Variants in SULF1 observed in about 807,000 individuals in gnomAD.
SULF1 encodes extracellular sulfatase Sulf-1.
A neutral mutation model predicts 110.5 loss-of-function variants in SULF1; 46 were observed. That is an observed-to-expected ratio of 0.42 (90% CI 0.33 to 0.53). The LOEUF (loss-of-function observed/expected upper bound fraction) is 0.53. SULF1 is among the 20% of genes least tolerant of loss of function. The pLI is 0.12. For missense variants in SULF1, 941 were observed against 1,094.2 expected (o/e 0.86, Z 1.98); for synonymous variants, 371 against 387.1 (o/e 0.96, Z 0.49).
At chr8:69,653,829 C>T (rs779930804) in intron 22 of SULF1, among the ~76,000 whole-genome samples, 2 of 152,160 alleles carry the variant, frequency 1.3e-5, no homozygotes, top group Admixed American at 6.5e-5. Context: ...ATTGCAAGGG[C>T]GTTAGGATCT....
intron 15 of SULF1, among the ~76,000 whole-genome samples, chr8:69,624,764 G>C (rs866692215): frequency 6.6e-6 from 1 of 152,188 alleles, no homozygotes; most frequent in Non-Finnish European, 1.5e-5. Flanking sequence ...AGAGGGCCCT[G>C]GAAGTCAAGG....
chr8:69,468,249 A>G (rs1808940107), intron 1 of SULF1, among the ~76,000 whole-genome samples: 1 of 152,232 alleles, frequency 6.6e-6, no homozygotes, highest in Non-Finnish European at 1.5e-5. Flanking sequence ...ATTGTATATA[A>G]GCTGTTCTGA....
chr8:69,550,724 C>A (rs983230689), intron 3 of SULF1, among the ~76,000 whole-genome samples: 3 of 152,264 alleles, frequency 2.0e-5, no homozygotes, highest in Admixed American at 1.3e-4. Context: ...AACTGTTTTC[C>A]CTTCTCAACT....
At chr8:69,491,013 C>A (rs1809914192), upstream of SULF1, among the ~76,000 whole-genome samples, 1 of 152,144 alleles carries the variant, frequency 6.6e-6, no homozygotes, top group Non-Finnish European at 1.5e-5. Context: ...GGCCAAAATT[C>A]TTTAAAACCT....
intron 3 of SULF1, among the ~76,000 whole-genome samples, chr8:69,551,784 G>A (rs1027371621): frequency 6.6e-6 from 1 of 152,120 alleles, no homozygotes; most frequent in African/African-American, 2.4e-5. Context: ...GCATCACCTG[G>A]GAACTTGCTA....
At chr8:69,532,479 C>T (rs922079506) in intron 3 of SULF1, among the ~76,000 whole-genome samples, 2 of 152,080 alleles carry the variant, frequency 1.3e-5, no homozygotes, top group Non-Finnish European at 2.9e-5. Context: ...CACAACACCA[C>T]CAAATACTTT....
intron 3 of SULF1, among the ~76,000 whole-genome samples, chr8:69,525,139 T>A (rs1812570122): frequency 6.6e-6 from 1 of 152,178 alleles, no homozygotes; most frequent in Admixed American, 6.6e-5. Context: ...TCAGAGGAGA[T>A]GATCAAATTT....
At chr8:69,627,904 C>A in intron 17 of SULF1, 38 bp downstream of exon 17, 1 of 1,491,150 alleles carries the variant, frequency 6.7e-7, no homozygotes, top group South Asian at 1.2e-5. Flanking sequence ...TTTCCAAATT[C>A]ATTTCCGCAC....
chr8:69,579,628 C>A (rs1008618054), intron 6 of SULF1, among the ~76,000 whole-genome samples: 1 of 151,130 alleles, frequency 6.6e-6, no homozygotes, highest in Non-Finnish European at 1.5e-5. Flanking sequence ...TTTAATTTAT[C>A]CTTGATGGGA....
chr8:69,491,767 G>A (rs758942104), upstream of SULF1, among the ~76,000 whole-genome samples: 2 of 152,200 alleles, frequency 1.3e-5, no homozygotes, highest in Non-Finnish European at 2.9e-5. Flanking sequence ...TACTCACTGA[G>A]CACCTGCTTT....
intron 22 of SULF1, among the ~76,000 whole-genome samples, chr8:69,651,223 T>C (rs1812323383): frequency 6.6e-6 from 1 of 151,974 alleles, no homozygotes. Context: ...CAGCTAATTT[T>C]TGTATTTTTA....
chr8:69,659,070 G>GGCA lies in SULF1; in HGVS notation c.*535_*536insGCA, dbSNP rs1419619257. On this transcript the variant is annotated 3_prime_UTR_variant, in exon 23 of 23. Transcript: ENST00000402687. ...AGCTCGGGCCCAGCCCCAGGCTGCAGCCCATTCGCAGGCACCCGAAAGAAC... is the reference window on the plus strand; with the variant it reads ...AGCTCGGGCCCAGCCCCAGGCTGCAGGCACCCATTCGCAGGCACCCGAAAGAAC... The GGCA allele has an allele frequency of 2.2e-6, 1 of 457,104 alleles. No individual in the cohort carries two copies. The highest frequency in any genetic ancestry group is 1.5e-5 in the South Asian group (1 of 64,578). 28.3% of individuals were successfully genotyped at this position (457,104 alleles called of 1,614,324 possible).
At chr8:69,588,760 G>C (rs1806653294) in intron 7 of SULF1, among the ~76,000 whole-genome samples, 1 of 151,896 alleles carries the variant, frequency 6.6e-6, no homozygotes, top group Admixed American at 6.5e-5. Flanking sequence ...TTTTTCGTAT[G>C]TTACCAAGCT....
intron 19 of SULF1, among the ~76,000 whole-genome samples, chr8:69,630,979 CTG>C (rs1456906712): frequency 1.3e-5 from 2 of 151,720 alleles, no homozygotes; most frequent in Non-Finnish European, 2.9e-5. Flanking sequence ...TGCCCCCACC[CTG>C]CAACAGTCCC....
At chr8:69,600,495 G>A (rs1217578388) in intron 8 of SULF1, 108 bp from the exon 9 acceptor site, 9 of 1,071,562 alleles carry the variant, frequency 8.4e-6, no homozygotes, top group Non-Finnish European at 1.0e-5. Context: ...AAATGTTTTA[G>A]CAGTGTCTCA....
Position 69,563,965 on chromosome 8 carries a change from G to A in SULF1, c.-11G>A, listed in dbSNP as rs1815689218. On this transcript the variant is annotated 5_prime_UTR_variant, in exon 5 of 23. Transcript: ENST00000402687. ...ACATTTTGTCAGTTTTGCAACATTG[G>A]ACCAAATACAATGAAGTATTCTTGC... 1.2e-6 allele frequency: 2 copies of A among 1,613,266 alleles called. No individual in the cohort carries two copies. Among genetic ancestry groups the A allele is most frequent in the African/African-American group, 2.7e-5 (2 of 74,916 alleles).
chr8:69,485,825 A>G (rs1197378492), intron 1 of SULF1, among the ~76,000 whole-genome samples: 1 of 152,192 alleles, frequency 6.6e-6, no homozygotes, highest in East Asian at 1.9e-4. Flanking sequence ...TGGATTTGGC[A>G]CATATTGAAT....
At chr8:69,571,757 G>A (rs1213833936) in intron 5 of SULF1, among the ~76,000 whole-genome samples, 1 of 152,138 alleles carries the variant, frequency 6.6e-6, no homozygotes, top group Non-Finnish European at 1.5e-5. Context: ...TTTTTAGTAA[G>A]GTTTGCCAAT....
rs1812911118 is a variant in SULF1, at chr8:69,658,813, C to T, written c.*278C>T. 1.6e-6 allele frequency: 1 copy of T among 611,502 alleles called. No individual in the cohort carries two copies. The highest frequency in any genetic ancestry group is 1.8e-5 in the African/African-American group (1 of 55,030). The allele number at this position is 611,502 out of a possible 1,614,324, so 37.9% of individuals were successfully genotyped here. On this transcript the variant is annotated 3_prime_UTR_variant, in exon 23 of 23. Transcript: ENST00000402687. ...GGCCTCTGCTGACTCAGATGAAGAC[C>T]CAAGGCATAAGGTTGGGAAAACACC...
Sources: allele counts gnomAD v4.1 joint callset (sites outside exome capture counted in the v4.1 genomes callset), GRCh38; gene constraint gnomAD v4.1.1; transcripts MANE v1.5; gene names NCBI Gene and HGNC (gene_info 2026-07-23, HGNC 2026-07-21).